RIMS2: variants seen among roughly 807,000 people sequenced by gnomAD.
The protein encoded by RIMS2 is regulating synaptic membrane exocytosis protein 2.
Under a neutral mutation model 174.4 loss-of-function variants are expected in RIMS2, and 59 were observed. The observed-to-expected ratio is 0.34, with a 90% confidence interval of 0.27 to 0.42. The LOEUF is 0.42. RIMS2 is among the 10% of genes least tolerant of loss of function. The pLI is 1.00. For synonymous variants in RIMS2, 606 were observed against 572.5 expected, an observed-to-expected ratio of 1.06 and a Z score of -0.84; for missense variants, 1,620 against 1,666.3, an observed-to-expected ratio of 0.97 and a Z score of 0.48.
intron 1 of RIMS2, among the ~76,000 whole-genome samples, chr8:103,558,489 A>G (rs1224481383): frequency 2.0e-5 from 3 of 152,122 alleles, no homozygotes; most frequent in Non-Finnish European, 4.4e-5. Context: ...CTCCCAAAGT[A>G]TTGGGATTAT....
intron 1 of RIMS2, among the ~76,000 whole-genome samples, chr8:103,606,679 G>T (rs928034887): frequency 6.6e-6 from 1 of 152,098 alleles, no homozygotes; most frequent in Non-Finnish European, 1.5e-5. Context: ...ATGAATCTGG[G>T]TGCTCCTATA....
intron 19 of RIMS2, among the ~76,000 whole-genome samples, chr8:104,158,238 T>C (rs2134482335): frequency 6.6e-6 from 1 of 152,348 alleles, no homozygotes; most frequent in South Asian, 2.1e-4. Context: ...CGTCCTTTTT[T>C]ATGGCTGCAT....
At chr8:103,547,902 A>G (rs1430374721) in intron 1 of RIMS2, among the ~76,000 whole-genome samples, 1 of 152,174 alleles carries the variant, frequency 6.6e-6, no homozygotes, top group African/African-American at 2.4e-5. Context: ...CACAAACTAG[A>G]AAACTTAGAA....
chr8:103,913,596 G>T (rs2076141861), intron 6 of RIMS2, among the ~76,000 whole-genome samples: 1 of 152,140 alleles, frequency 6.6e-6, no homozygotes, highest in Non-Finnish European at 1.5e-5. Flanking sequence ...AATTTATAAA[G>T]AAAAGAGGTT....
At chr8:104,160,380 T>C (rs2098753889) in intron 19 of RIMS2, among the ~76,000 whole-genome samples, 1 of 152,184 alleles carries the variant, frequency 6.6e-6, no homozygotes, top group East Asian at 1.9e-4. Flanking sequence ...TTAGAGAAGA[T>C]AACTTAAAAC....
At chr8:104,139,900 A>G (rs910140171) in intron 19 of RIMS2, among the ~76,000 whole-genome samples, 3 of 152,026 alleles carry the variant, frequency 2.0e-5, no homozygotes, top group Admixed American at 2.0e-4. Context: ...CTGTGGGTCT[A>G]TTGTGTATGG....
At chr8:103,841,468 G>T (rs867512418) in intron 3 of RIMS2, among the ~76,000 whole-genome samples, 1 of 151,924 alleles carries the variant, frequency 6.6e-6, no homozygotes, top group Admixed American at 6.6e-5. Flanking sequence ...ATCAGCAACA[G>T]AATACAACCA....
At position 103,614,844 on chromosome 8, in the gene RIMS2, G is replaced by A. The variant is rs536108064; in HGVS notation, c.177-82242G>A. On this transcript the variant is annotated intron_variant, in intron 1 of 23. Transcript: ENST00000504942. ...ATATTTCTATTAATACATGTTTCGG[G>A]ACAGTGCTGTTGAGGACATTACCTA... Among the ~76,000 whole-genome samples, 12 of 152,290 alleles carry A rather than the reference G, an allele frequency of 7.9e-5. No individual in the cohort carries two copies. The South Asian group carries it at 2.3e-3, about 29-fold the overall frequency.
intron 3 of RIMS2, among the ~76,000 whole-genome samples, chr8:103,791,222 C>G (rs1187203442): frequency 6.6e-6 from 1 of 152,200 alleles, no homozygotes; most frequent in African/African-American, 2.4e-5. Flanking sequence ...CAGCAGATCT[C>G]TTTGCAGAAA....
At position 103,508,771 on chromosome 8, in the gene RIMS2, T is replaced by C. The variant is rs116178444; in HGVS notation, c.176+7709T>C. The stretch of plus-strand genomic sequence containing the variant: ...TAGGAGATTCTTACAGTAATCCAGG[T>C]AATAAATGATGAAGACATGAAATAA... On this transcript the variant is annotated intron_variant, in intron 1 of 23. Coordinates refer to ENST00000504942, the Ensembl canonical transcript of RIMS2. 4.2e-3 allele frequency among the ~76,000 whole-genome samples: 637 copies of C among 152,142 alleles called. 4 individuals are homozygous for C. Among genetic ancestry groups the C allele is most frequent in the African/African-American group, 0.015 (607 of 41,538 alleles).
chr8:104,006,038 T>C (rs947351289), intron 17 of RIMS2, among the ~76,000 whole-genome samples: 1 of 152,124 alleles, frequency 6.6e-6, no homozygotes, highest in African/African-American at 2.4e-5. Flanking sequence ...ACTGCTATCA[T>C]TTTTAATCTT....
At chr8:103,704,408 AT>A (rs1399075074) in intron 2 of RIMS2, among the ~76,000 whole-genome samples, 1 of 151,912 alleles carries the variant, frequency 6.6e-6, no homozygotes, top group African/African-American at 2.4e-5. Context: ...ATCAGAGATA[AT>A]GGCCTCTAGT....
intron 2 of RIMS2, among the ~76,000 whole-genome samples, chr8:103,739,405 G>A (rs1244705413): frequency 6.6e-6 from 1 of 152,184 alleles, no homozygotes; most frequent in Non-Finnish European, 1.5e-5. Flanking sequence ...GGGAGGGATA[G>A]CATTAGGAGA....
chr8:103,960,597 A>G (rs1211105415), intron 14 of RIMS2, among the ~76,000 whole-genome samples: 1 of 152,172 alleles, frequency 6.6e-6, no homozygotes, highest in East Asian at 1.9e-4. Context: ...TAAGGAACTG[A>G]CTATATTCAA....
At chr8:103,562,792 G>T (rs1303050854) in intron 1 of RIMS2, among the ~76,000 whole-genome samples, 1 of 152,162 alleles carries the variant, frequency 6.6e-6, no homozygotes, top group African/African-American at 2.4e-5. Flanking sequence ...GCAAACTTCT[G>T]CCTGGGTACT....
intron 10 of RIMS2, among the ~76,000 whole-genome samples, chr8:103,922,315 A>G (rs1340225638): frequency 1.3e-5 from 2 of 151,982 alleles, no homozygotes; most frequent in African/African-American, 2.4e-5. Context: ...GGATTGCTAA[A>G]TACTTCAGAT....
rs116152689 is a variant in RIMS2, at chr8:104,134,939, C to A, written c.3335-109977C>A. Among the ~76,000 whole-genome samples, 1,205 of 152,208 alleles carry A rather than the reference C, an allele frequency of 7.9e-3. 25 individuals carry two copies. Among genetic ancestry groups the A allele is most frequent in the African/African-American group, 0.027 (1,139 of 41,542 alleles). Reference sequence around the variant, plus strand: ...GATCTTTTCAAATGGATGTCTTATTCTTCTTAGTACCTCAAAATAGATCCT... The same window carrying A: ...GATCTTTTCAAATGGATGTCTTATTATTCTTAGTACCTCAAAATAGATCCT... On this transcript the variant is annotated intron_variant, in intron 19 of 23. Transcript: ENST00000504942.
chr8:103,789,318 C>A (rs1181988235), intron 3 of RIMS2, among the ~76,000 whole-genome samples: 1 of 152,070 alleles, frequency 6.6e-6, no homozygotes, highest in African/African-American at 2.4e-5. Context: ...TTTTCAAAGC[C>A]AGTAGAGGGT....
intron 15 of RIMS2, among the ~76,000 whole-genome samples, chr8:103,969,410 C>T (rs914420365): frequency 6.6e-6 from 1 of 151,994 alleles, no homozygotes; most frequent in South Asian, 2.1e-4. Context: ...CTTTGCTTTT[C>T]AGTTTTTGAA....
Sources: gnomAD v4.1 joint callset for allele counts (sites outside exome capture counted in the v4.1 genomes callset) on GRCh38, gnomAD v4.1.1 for gene constraint, MANE v1.5 for transcripts, NCBI Gene and HGNC (gene_info 2026-07-23, HGNC 2026-07-21) for gene names.